Variants in TMEM231 observed in about 807,000 individuals in gnomAD.
The protein encoded by TMEM231 is transmembrane protein 231.
A neutral mutation model predicts 38.5 loss-of-function variants in TMEM231; 40 were observed. That is an observed-to-expected ratio of 1.04 (90% CI 0.81 to 1.35). The LOEUF is 1.35. Ranked by LOEUF, TMEM231 falls within the 40% of genes most tolerant of loss-of-function variation. The pLI, the probability that TMEM231 is intolerant of heterozygous loss-of-function variation, is 0.00. For synonymous variants in TMEM231, 199 were observed against 181.7 expected, an observed-to-expected ratio of 1.10 and a Z score of -0.77; for missense variants, 420 against 416.9, an observed-to-expected ratio of 1.01 and a Z score of -0.07.
intron 2 of TMEM231, among the ~76,000 whole-genome samples, chr16:75,550,220 G>A (rs549323582): frequency 1.3e-5 from 2 of 152,336 alleles, no homozygotes; most frequent in Middle Eastern, 3.4e-3. Flanking sequence ...TTCAAGAAGG[G>A]ACCGCGGCCC....
chr16:75,544,725 C>T (rs969064730), intron 4 of TMEM231, among the ~76,000 whole-genome samples: 2 of 152,140 alleles, frequency 1.3e-5, no homozygotes, highest in Non-Finnish European at 2.9e-5. Flanking sequence ...TGTGACCAAG[C>T]GTGTGTATGG....
intron 2 of TMEM231, among the ~76,000 whole-genome samples, chr16:75,550,105 C>T (rs988688558): frequency 3.9e-5 from 6 of 152,178 alleles, no homozygotes; most frequent in Admixed American, 2.6e-4. Context: ...ATAGTAGCTG[C>T]AGGGAACATT....
chr16:75,545,117 G>C (rs1027777043), intron 4 of TMEM231, among the ~76,000 whole-genome samples: 6 of 151,610 alleles, frequency 4.0e-5, no homozygotes, highest in Admixed American at 3.3e-4. Flanking sequence ...CACACGCCTG[G>C]CTAATTTTTT....
At chr16:75,554,951 C>T (rs961859496) in intron 2 of TMEM231, 1 of 152,084 alleles carries the variant, frequency 6.6e-6, no homozygotes, top group African/African-American at 2.4e-5. Flanking sequence ...TATTTAGTTG[C>T]TGGGAACAAG....
intron 2 of TMEM231, among the ~76,000 whole-genome samples, chr16:75,548,035 A>T (rs2080714731): frequency 1.3e-5 from 2 of 152,168 alleles, no homozygotes; most frequent in Admixed American, 6.6e-5. Context: ...TGATCTTTAC[A>T]ATAAATGTAA....
chr16:75,540,013 C>A lies in TMEM231; in HGVS notation c.932G>T (p.Cys311Phe), dbSNP rs547634830. 2.5e-6 allele frequency: 4 copies of A among 1,612,152 alleles called. No individual in the cohort carries two copies. The highest frequency in any genetic ancestry group is 1.3e-5 in the African/African-American group (1 of 74,892). The part of the protein sequence containing the change: ...PVTVTPRGDL[C>F]KEHLS ...GCCTTTCTAGGATAAGTGCTCCTTA[C>A]ACAAGTCTCCCCGGGGCGTCACTGT... Residue 311 changes from cysteine (C) to phenylalanine (F), a missense_variant, in exon 7 of 7, where the codon TGT becomes TTT. By Grantham distance (205) the Cys-to-Phe change is radical. Coordinates refer to ENST00000258173, the MANE Select transcript of TMEM231 (RefSeq NM_001077418.3).
intron 4 of TMEM231, among the ~76,000 whole-genome samples, chr16:75,544,520 G>A (rs926677192): frequency 6.6e-6 from 1 of 152,192 alleles, no homozygotes; most frequent in East Asian, 1.9e-4. Flanking sequence ...CAAGTGGCTG[G>A]AGTGCGGGGA....
In TMEM231 at chr16:75,539,949, C is replaced by G. The variant is rs773194449; in HGVS notation, c.*45G>C. ...GTCCTAAGATGTTCCCAGAAGATGA[C>G]AATGAGGCAGCCACGGTCCTGCTGA... On this transcript the variant is annotated 3_prime_UTR_variant, in exon 7 of 7. Transcript: ENST00000258173. 1 of 1,545,304 alleles carries G rather than the reference C, an allele frequency of 6.5e-7. No homozygotes were observed. The highest frequency in any genetic ancestry group is 1.4e-5 in the African/African-American group (1 of 73,252).
intron 2 of TMEM231, 62 bp downstream of exon 2, chr16:75,555,742 T>C (rs1432274948): frequency 2.8e-6 from 4 of 1,430,056 alleles, no homozygotes; most frequent in African/African-American, 1.5e-5. Flanking sequence ...CACATCCTCA[T>C]TCCAGTCCCC....
chr16:75,553,191 A>G (rs2080780010), intron 2 of TMEM231, among the ~76,000 whole-genome samples: 3 of 152,168 alleles, frequency 2.0e-5, no homozygotes, highest in African/African-American at 7.2e-5. Context: ...TGCCTTCTGG[A>G]CAGTTTCCTG....
Position 75,539,697 on chromosome 16 carries a change from G to A in TMEM231, c.*297C>T. The stretch of plus-strand genomic sequence containing the variant: ...AGATGGGACTCTTTCCAAGATGTCT[G>A]AACTGACTGCAATTTTCTCCTGAAA... On this transcript the variant is annotated 3_prime_UTR_variant, in exon 7 of 7. Transcript: ENST00000258173. 3.7e-6 allele frequency: 1 copy of A among 268,760 alleles called. No individual in the cohort carries two copies. Among genetic ancestry groups the A allele is most frequent in the Non-Finnish European group, 6.9e-6 (1 of 144,206 alleles). The allele number at this position is 268,760 out of a possible 1,614,324, so 16.6% of individuals were successfully genotyped here. A position where few individuals can be genotyped will look rare whatever the true frequency, so the allele number is the denominator to read the frequency against.
chr16:75,546,277 C>CT (rs370653120), intron 2 of TMEM231, among the ~76,000 whole-genome samples: 13 of 152,118 alleles, frequency 8.5e-5, no homozygotes, highest in African/African-American at 3.1e-4. Context: ...ATATTTTTTT[C>CT]TTTTTTACAA....
intron 2 of TMEM231, among the ~76,000 whole-genome samples, chr16:75,547,305 A>G (rs1354287635): frequency 1.3e-5 from 2 of 152,224 alleles, no homozygotes; most frequent in Non-Finnish European, 2.9e-5. Flanking sequence ...TCAGGCTAAT[A>G]ATAAGGTCAT....
At chr16:75,555,732 C>T in intron 2 of TMEM231, 72 bp downstream of exon 2, 5 of 1,401,732 alleles carry the variant, frequency 3.6e-6, no homozygotes, top group East Asian at 5.4e-5. Flanking sequence ...CCGCTCGCCC[C>T]ACATCCTCAT....
chr16:75,555,583 C>G, intron 2 of TMEM231: 1 of 497,542 alleles, frequency 2.0e-6, no homozygotes, highest in South Asian at 3.8e-5. Flanking sequence ...GACAGCATGG[C>G]TAACTTTCTG....
In TMEM231 at chr16:75,555,924, G is replaced by A. The variant is rs769846793; in HGVS notation, c.189C>T (p.Phe63=). 1 of 1,604,422 alleles carries A rather than the reference G, an allele frequency of 6.2e-7. No individual in the cohort carries two copies. Among genetic ancestry groups the A allele is most frequent in the Non-Finnish European group, 8.5e-7 (1 of 1,176,016 alleles). The part of the protein sequence containing the change: ...SSYEEQPTVR[F]QHQVLLVALL... The stretch of plus-strand genomic sequence containing the variant: ...GGGCCACGAGCAGCACCTGGTGTTG[G>A]AAGCGCACGGTCGGCTGCTCCTCGT... Residue 63 remains phenylalanine (F), a synonymous_variant, in exon 2 of 7, where the codon TTC becomes TTT. Transcript: ENST00000258173.
intron 2 of TMEM231, 39 bp downstream of exon 2, chr16:75,555,765 T>C: frequency 6.8e-7 from 1 of 1,471,226 alleles, no homozygotes; most frequent in Non-Finnish European, 9.0e-7. Context: ...CCCCACCCTA[T>C]CCCCGACTCT....
At chr16:75,540,943 C>T (rs1379966838) in intron 6 of TMEM231, among the ~76,000 whole-genome samples, 5 of 152,176 alleles carry the variant, frequency 3.3e-5, no homozygotes, top group Non-Finnish European at 5.9e-5. Context: ...AAACCTCCCA[C>T]GTCTGTTACT....
At chr16:75,550,487 A>T (rs2080746132) in intron 2 of TMEM231, among the ~76,000 whole-genome samples, 1 of 152,178 alleles carries the variant, frequency 6.6e-6, no homozygotes, top group African/African-American at 2.4e-5. Context: ...GCATCTCAGC[A>T]GGAACCTGGA....
Sources: allele counts gnomAD v4.1 joint callset (sites outside exome capture counted in the v4.1 genomes callset), GRCh38; gene constraint gnomAD v4.1.1; transcripts MANE v1.5; gene names NCBI Gene and HGNC (gene_info 2026-07-23, HGNC 2026-07-21).